Variants in ADAMTS3 observed in about 807,000 individuals in gnomAD.
The protein encoded by ADAMTS3 is ADAM metallopeptidase with thrombospondin type 1 motif 3.
ADAMTS3 carries 73 observed loss-of-function variants against 129.0 expected under a neutral mutation model. The observed-to-expected ratio is 0.57, with a 90% CI of 0.47 to 0.69. ADAMTS3 has a LOEUF of 0.69. ADAMTS3 is among the 30% of genes least tolerant of loss of function. The probability of loss-of-function intolerance (pLI) is 0.00; values close to 1 mark genes in which losing one functional copy is unlikely to be tolerated. For missense variants in ADAMTS3, 1,457 were observed against 1,514.5 expected (o/e 0.96, Z 0.63); for synonymous variants, 477 against 510.8 (o/e 0.93, Z 0.89).
At chr4:72,534,187 C>T (rs542354113) in intron 3 of ADAMTS3, among the ~76,000 whole-genome samples, 3 of 152,128 alleles carry the variant, frequency 2.0e-5, no homozygotes, top group South Asian at 2.1e-4. Context: ...ATTAGCCGGG[C>T]GTGGTGGCGG....
At chr4:72,411,856 T>C (rs1164217148) in intron 4 of ADAMTS3, among the ~76,000 whole-genome samples, 5 of 152,076 alleles carry the variant, frequency 3.3e-5, no homozygotes, top group Admixed American at 3.3e-4. Context: ...CCCCATGCCC[T>C]CCAACATCTA....
intron 4 of ADAMTS3, among the ~76,000 whole-genome samples, chr4:72,380,672 C>T (rs75469691): frequency 3.3e-5 from 5 of 152,028 alleles, no homozygotes; most frequent in East Asian, 1.9e-4. Flanking sequence ...AAGGAAATAT[C>T]GAATTTCTCA....
chr4:72,403,346 G>C (rs1443965712), intron 4 of ADAMTS3, among the ~76,000 whole-genome samples: 4 of 151,960 alleles, frequency 2.6e-5, no homozygotes, highest in Admixed American at 2.6e-4. Context: ...AGTTTTAACA[G>C]TATCAAAAAT....
chr4:72,432,300 G>A (rs1722720620), intron 3 of ADAMTS3, among the ~76,000 whole-genome samples: 1 of 151,870 alleles, frequency 6.6e-6, no homozygotes, highest in South Asian at 2.1e-4. Context: ...AGAGAAGGCA[G>A]GTGTTTGATT....
intron 4 of ADAMTS3, among the ~76,000 whole-genome samples, chr4:72,342,906 C>T (rs1003131643): frequency 1.3e-5 from 2 of 151,944 alleles, no homozygotes; most frequent in African/African-American, 4.8e-5. Flanking sequence ...TCATCTTGCA[C>T]CAAGGAAATT....
intron 6 of ADAMTS3, 149 bp downstream of exon 6, chr4:72,322,863 CAT>C (rs1189144604): frequency 8.7e-6 from 5 of 571,740 alleles, no homozygotes; most frequent in African/African-American, 1.8e-5. Flanking sequence ...AGTCTCCACT[CAT>C]GTGGCAGTTT....
At chr4:72,337,301 A>G (rs1720015687) in intron 5 of ADAMTS3, among the ~76,000 whole-genome samples, 1 of 152,222 alleles carries the variant, frequency 6.6e-6, no homozygotes, top group Admixed American at 6.5e-5. Context: ...ACTTAAGAAC[A>G]AAAGTCCTCT....
At chr4:72,315,563 G>C (rs1454826035) in intron 11 of ADAMTS3, among the ~76,000 whole-genome samples, 2 of 152,160 alleles carry the variant, frequency 1.3e-5, no homozygotes, top group African/African-American at 4.8e-5. Context: ...TTTGGAGGGA[G>C]AATGGCCCTG....
chr4:72,495,175 T>C (rs1450850877), intron 3 of ADAMTS3, among the ~76,000 whole-genome samples: 2 of 152,106 alleles, frequency 1.3e-5, no homozygotes, highest in Non-Finnish European at 2.9e-5. Flanking sequence ...TTGGGGTGTG[T>C]AGAACAACCA....
chr4:72,403,042 T>C (rs973513847), intron 4 of ADAMTS3, among the ~76,000 whole-genome samples: 3 of 152,166 alleles, frequency 2.0e-5, no homozygotes, highest in African/African-American at 7.2e-5. Context: ...TTAGTTTCTC[T>C]GCTGTATAAC....
At position 72,369,731 on chromosome 4, in the gene ADAMTS3, GA is replaced by G. The variant is rs777322503; in HGVS notation, c.662-30039del. Among the ~76,000 whole-genome samples the G allele has an allele frequency of 3.4e-3, 327 of 96,474 alleles. 4 individuals carry two copies. In the East Asian group the frequency reaches 0.038, roughly 11 times the overall value. The allele number at this position is 96,474 out of a possible 152,430, so 63.3% of individuals were successfully genotyped here. On this transcript the variant is annotated intron_variant, in intron 4 of 21. Transcript: ENST00000286657. ...GCCTAAAAAATAAATAAATAAAAAT[GA>G]AAAAAAAAAATAAACAGACAAAGTA...
intron 3 of ADAMTS3, among the ~76,000 whole-genome samples, chr4:72,498,656 C>A (rs553924256): frequency 6.6e-6 from 1 of 151,760 alleles, no homozygotes; most frequent in Non-Finnish European, 1.5e-5. Context: ...CTTTCTCACA[C>A]GCACACACAC....
intron 3 of ADAMTS3, among the ~76,000 whole-genome samples, chr4:72,499,158 T>C (rs1258525439): frequency 6.6e-6 from 1 of 152,186 alleles, no homozygotes; most frequent in African/African-American, 2.4e-5. Flanking sequence ...CTGAAAGGTC[T>C]GTAAACAAAT....
chr4:72,502,997 T>G (rs1043100067), intron 3 of ADAMTS3, among the ~76,000 whole-genome samples: 2 of 152,038 alleles, frequency 1.3e-5, no homozygotes, highest in African/African-American at 4.8e-5. Context: ...GTCTCTATTT[T>G]CATTTATTTG....
rs1397747804 is a variant in ADAMTS3 at position 72,548,874 on chromosome 4, T to A, written c.108A>T (p.Ile36=). 3 of 1,605,174 alleles carry A rather than the reference T, an allele frequency of 1.9e-6. No homozygotes were observed. In the Admixed American group the frequency reaches 5.0e-5, roughly 27 times the overall value. ...NEEMVQIDLP[I]KRYREYELVT... ...CCAGCTCATACTCTCTATATCTCTT[T>A]ATTGGTAAATCTGTGGGGTGAAAAA... is the stretch of plus-strand genomic sequence containing the variant. Residue 36 remains isoleucine, a synonymous_variant, in exon 3 of 22, where the codon ATA becomes ATT. Transcript: ENST00000286657.
At chr4:72,458,713 T>C (rs1461601070) in intron 3 of ADAMTS3, among the ~76,000 whole-genome samples, 1 of 151,574 alleles carries the variant, frequency 6.6e-6, no homozygotes, top group Non-Finnish European at 1.5e-5. Flanking sequence ...TGAAGCCCTC[T>C]CCATGGTCCT....
intron 13 of ADAMTS3, among the ~76,000 whole-genome samples, chr4:72,311,464 T>C (rs1239836195): frequency 2.0e-5 from 3 of 152,152 alleles, no homozygotes; most frequent in East Asian, 3.9e-4. Context: ...CAGGCAACCC[T>C]AGATTTCAAC....
At chr4:72,397,562 T>TACACACACACACAC (rs35076637) in intron 4 of ADAMTS3, among the ~76,000 whole-genome samples, 3,074 of 147,556 alleles carry the variant, frequency 0.021, 41 homozygotes, top group Non-Finnish European at 0.032. Flanking sequence ...GAGACTCTAT[T>TACACACACACACAC]ACACACACAC....
intron 3 of ADAMTS3, among the ~76,000 whole-genome samples, chr4:72,533,678 TGCACACATG>T (rs1721112017): frequency 1.4e-5 from 2 of 138,646 alleles, no homozygotes; most frequent in Admixed American, 7.1e-5. Flanking sequence ...TGCACATATA[TGCACACATG>T]TATATATACT....
Sources: gnomAD v4.1 joint callset for allele counts (sites outside exome capture counted in the v4.1 genomes callset) on GRCh38, gnomAD v4.1.1 for gene constraint, MANE v1.5 for transcripts, NCBI Gene and HGNC (gene_info 2026-07-23, HGNC 2026-07-21) for gene names.